Variants in IGSF21 observed in about 807,000 individuals in gnomAD.
The protein encoded by IGSF21 is immunoglobin superfamily member 21, also known as immunoglobulin superfamily member 21.
A neutral mutation model predicts 46.8 loss-of-function variants in IGSF21; 28 were observed. That is an observed-to-expected ratio of 0.60 (90% CI 0.44 to 0.82). The LOEUF is 0.82. IGSF21 is among the 40% of genes least tolerant of loss of function. The pLI is 0.00. For missense variants in IGSF21, 624 were observed against 665.5 expected, an observed-to-expected ratio of 0.94 and a Z score of 0.69; for synonymous variants, 284 against 273.6, an observed-to-expected ratio of 1.04 and a Z score of -0.38.
At chr1:18,183,352 G>A (rs2086874248) in intron 1 of IGSF21, among the ~76,000 whole-genome samples, 1 of 152,252 alleles carries the variant, frequency 6.6e-6, no homozygotes, top group South Asian at 2.1e-4. Context: ...GACCATGTCT[G>A]TGAATGGGTG....
chr1:18,110,168 G>C (rs3820278), intron 1 of IGSF21: 13 of 152,322 alleles, frequency 8.5e-5, no homozygotes, highest in African/African-American at 3.1e-4. Flanking sequence ...GCGCGGCCTC[G>C]GAGCTCCGCT....
At chr1:18,252,054 T>TTG in intron 2 of IGSF21, among the ~76,000 whole-genome samples, 1 of 134,808 alleles carries the variant, frequency 7.4e-6, no homozygotes, top group Non-Finnish European at 1.6e-5. Context: ...CGTTTTTTTT[T>TTG]TTTTTTTTTT....
intron 2 of IGSF21, among the ~76,000 whole-genome samples, chr1:18,272,300 A>C (rs2085050365): frequency 6.6e-6 from 1 of 151,006 alleles, no homozygotes; most frequent in Non-Finnish European, 1.5e-5. Flanking sequence ...TGAGAGCTAC[A>C]ATTCAAGATG....
At chr1:18,294,068 C>T (rs1165891852) in intron 3 of IGSF21, among the ~76,000 whole-genome samples, 2 of 152,214 alleles carry the variant, frequency 1.3e-5, no homozygotes, top group African/African-American at 4.8e-5. Context: ...CTTGACATGA[C>T]AGGCTTTGTA....
At position 18,208,393 on chromosome 1, in the gene IGSF21, ATATT is replaced by A. The variant is rs1264763070; in HGVS notation, c.71-19503_71-19500del. Among the ~76,000 whole-genome samples, 10 of 118,794 alleles carry A rather than the reference ATATT, an allele frequency of 8.4e-5. 1 individual carries two copies. The highest frequency in any genetic ancestry group is 1.4e-4 in the African/African-American group (5 of 34,906). The allele number at this position is 118,794 out of a possible 152,430, so 77.9% of individuals were successfully genotyped here. A position where few individuals can be genotyped will look rare whatever the true frequency, so the allele number is the denominator to read the frequency against. Reference sequence around the variant, plus strand: ...TTAGGAATAATATATATATATATATATATTTTTTGAGACGGAGTCTTGCTGTCTC... The same window carrying A: ...TTAGGAATAATATATATATATATATATTTTGAGACGGAGTCTTGCTGTCTC... On this transcript the variant is annotated intron_variant, in intron 1 of 9. Transcript: ENST00000251296.
intron 2 of IGSF21, among the ~76,000 whole-genome samples, chr1:18,269,973 T>C (rs865928011): frequency 1.3e-5 from 2 of 152,184 alleles, no homozygotes; most frequent in Non-Finnish European, 2.9e-5. Context: ...GCTCCTGCCA[T>C]GTGCCTTCTG....
intron 4 of IGSF21, among the ~76,000 whole-genome samples, chr1:18,351,091 G>A (rs900582926): frequency 6.6e-6 from 1 of 152,124 alleles, no homozygotes; most frequent in African/African-American, 2.4e-5. Flanking sequence ...CGAGACCCAG[G>A]GAGGGGGAAA....
At chr1:18,349,000 A>G (rs1302617352) in intron 4 of IGSF21, among the ~76,000 whole-genome samples, 2 of 152,168 alleles carry the variant, frequency 1.3e-5, no homozygotes, top group Non-Finnish European at 2.9e-5. Flanking sequence ...AATCACAATA[A>G]TTTTCATAAC....
intron 2 of IGSF21, among the ~76,000 whole-genome samples, chr1:18,273,227 G>T (rs1271400933): frequency 6.6e-6 from 1 of 151,412 alleles, no homozygotes; most frequent in East Asian, 1.9e-4. Context: ...TTTTAGTAGA[G>T]ACGGGGTTTC....
intron 2 of IGSF21, among the ~76,000 whole-genome samples, chr1:18,238,009 G>A (rs1035559329): frequency 1.8e-5 from 1 of 55,124 alleles, no homozygotes; most frequent in African/African-American, 4.0e-5. Context: ...GGCTTCTGGG[G>A]GTGCTCAAAC....
At chr1:18,369,854 A>G (rs1174183253) in intron 6 of IGSF21, among the ~76,000 whole-genome samples, 3 of 152,108 alleles carry the variant, frequency 2.0e-5, no homozygotes, top group Non-Finnish European at 4.4e-5. Context: ...GCCTCTTCTC[A>G]GTTCTTGTCT....
chr1:18,133,901 C>T (rs2086345387), intron 1 of IGSF21, among the ~76,000 whole-genome samples: 1 of 152,246 alleles, frequency 6.6e-6, no homozygotes. Context: ...GACTTCACTC[C>T]TCAGCTTTCT....
At chr1:18,152,327 T>G (rs60072291) in intron 1 of IGSF21, among the ~76,000 whole-genome samples, 13,147 of 152,250 alleles carry the variant, frequency 0.086, 773 homozygotes, top group East Asian at 0.16. Context: ...TTCCACTGCA[T>G]GCAGTCATCG....
At chr1:18,111,131 TATC>T (rs1374821830) in intron 1 of IGSF21, 1 of 152,212 alleles carries the variant, frequency 6.6e-6, no homozygotes, top group Non-Finnish European at 1.5e-5. Context: ...TTTATATATT[TATC>T]CTCCCTTCAC....
intron 3 of IGSF21, among the ~76,000 whole-genome samples, chr1:18,305,513 A>AATGG (rs1557635227): frequency 2.3e-5 from 3 of 128,060 alleles, no homozygotes; most frequent in African/African-American, 9.7e-5. Context: ...TGGATGGATG[A>AATGG]ATGGATGGAT....
intron 3 of IGSF21, among the ~76,000 whole-genome samples, chr1:18,324,008 C>A (rs2085632368): frequency 6.6e-6 from 1 of 152,068 alleles, no homozygotes; most frequent in Admixed American, 6.5e-5. Flanking sequence ...GCTGCCCCAT[C>A]CCTGCCTCTC....
At chr1:18,163,127 C>T (rs905996096) in intron 1 of IGSF21, among the ~76,000 whole-genome samples, 6 of 152,056 alleles carry the variant, frequency 3.9e-5, no homozygotes, top group Admixed American at 2.0e-4. Flanking sequence ...GGCCGGGTAT[C>T]GTATTCTGGG....
At chr1:18,277,153 A>G (rs1171907420) in intron 2 of IGSF21, among the ~76,000 whole-genome samples, 1 of 152,122 alleles carries the variant, frequency 6.6e-6, no homozygotes, top group East Asian at 1.9e-4. Context: ...CAAAGAAAAG[A>G]TGTCACCCCT....
At chr1:18,285,335 C>T (rs185835991) in intron 2 of IGSF21, among the ~76,000 whole-genome samples, 3 of 152,180 alleles carry the variant, frequency 2.0e-5, no homozygotes, top group Admixed American at 1.3e-4. Flanking sequence ...CCACCGGCCA[C>T]GCTTTGATGA....
Sources: allele counts gnomAD v4.1 joint callset (sites outside exome capture counted in the v4.1 genomes callset), GRCh38; gene constraint gnomAD v4.1.1; transcripts MANE v1.5; gene names NCBI Gene and HGNC (gene_info 2026-07-23, HGNC 2026-07-21).